DIAPH2: variants seen among roughly 807,000 people sequenced by gnomAD.
The protein encoded by DIAPH2 is diaphanous related formin 2.
DIAPH2 carries 35 observed loss-of-function variants against 92.7 expected under a neutral mutation model. The ratio of observed to expected loss-of-function variants is 0.38; its 90% CI spans 0.29 to 0.50. The LOEUF is 0.50. DIAPH2 is among the 20% of genes least tolerant of loss of function. DIAPH2 has a pLI of 0.94. For missense variants in DIAPH2, 701 were observed against 819.5 expected (o/e 0.86, Z 1.77); for synonymous variants, 301 against 280.4 (o/e 1.07, Z -0.73).
intron 4 of DIAPH2, among the ~76,000 whole-genome samples, chrX:96,772,421 T>C: frequency 8.9e-6 from 1 of 112,197 alleles, no homozygotes. Flanking sequence ...GAAAGCTATA[T>C]GGACAGTCTT....
intron 5 of DIAPH2, among the ~76,000 whole-genome samples, chrX:96,888,467 T>TA (rs2065279734): frequency 1.9e-5 from 2 of 105,282 alleles, no homozygotes; most frequent in Non-Finnish European, 3.9e-5. Flanking sequence ...ATATGTGTTT[T>TA]TTATATATAT....
chrX:97,210,675 C>T (rs1179604302), intron 22 of DIAPH2, among the ~76,000 whole-genome samples: 3 of 111,326 alleles, frequency 2.7e-5, no homozygotes, highest in African/African-American at 6.5e-5. Context: ...TGATTGAGAC[C>T]GGGAGCTACT....
At chrX:97,469,442 G>T (rs2070542990) in intron 26 of DIAPH2, among the ~76,000 whole-genome samples, 1 of 111,493 alleles carries the variant, frequency 9.0e-6, no homozygotes, top group African/African-American at 3.3e-5. Context: ...CTGGCAATAC[G>T]CAGTTCATTC....
chrX:96,954,120 C>T (rs2065794383), intron 15 of DIAPH2: 1 of 112,094 alleles, frequency 8.9e-6, no homozygotes, highest in Non-Finnish European at 1.9e-5. Flanking sequence ...CCCTGAATCC[C>T]AGTCGAGCGT....
chrX:96,725,564 A>G (rs2064015560), intron 1 of DIAPH2, among the ~76,000 whole-genome samples: 2 of 111,597 alleles, frequency 1.8e-5, no homozygotes, highest in African/African-American at 6.5e-5. Flanking sequence ...TTTTCCATGT[A>G]GAGAAGTTTG....
intron 22 of DIAPH2, among the ~76,000 whole-genome samples, chrX:97,191,198 C>T (rs956994692): frequency 2.7e-5 from 3 of 109,478 alleles, no homozygotes; most frequent in East Asian, 2.9e-4. Flanking sequence ...CTTGGTGGCT[C>T]ATGACTGTAA....
chrX:97,198,055 A>G (rs1263047721), intron 22 of DIAPH2, among the ~76,000 whole-genome samples: 1 of 111,037 alleles, frequency 9.0e-6, no homozygotes. Flanking sequence ...CATGAGAGTC[A>G]GCTGAAAACT....
chrX:96,870,780 T>A (rs1350255473), intron 4 of DIAPH2, among the ~76,000 whole-genome samples: 1 of 111,802 alleles, frequency 8.9e-6, no homozygotes, highest in African/African-American at 3.3e-5. Context: ...AATAGGGTAA[T>A]TTTTTGTTTT....
intron 17 of DIAPH2, among the ~76,000 whole-genome samples, chrX:96,970,209 T>C (rs2065919283): frequency 9.0e-6 from 1 of 111,351 alleles, no homozygotes; most frequent in South Asian, 3.8e-4. Flanking sequence ...CAGGTTTTGC[T>C]ATCAGGGTGA....
chrX:96,921,646 C>G (rs1467000279), intron 9 of DIAPH2, among the ~76,000 whole-genome samples: 1 of 108,801 alleles, frequency 9.2e-6, no homozygotes, highest in African/African-American at 3.3e-5. Context: ...GAAAATTTTA[C>G]TTCCCTTGAC....
At chrX:96,704,546 C>A (rs1243052743) in intron 1 of DIAPH2, among the ~76,000 whole-genome samples, 1 of 111,900 alleles carries the variant, frequency 8.9e-6, no homozygotes, top group East Asian at 2.8e-4. Flanking sequence ...TCTGAAGCAT[C>A]TCTCTTACTT....
At chrX:97,039,695 G>A (rs910117395) in intron 17 of DIAPH2, among the ~76,000 whole-genome samples, 22 of 111,269 alleles carry the variant, frequency 2.0e-4, no homozygotes, top group African/African-American at 6.9e-4. Context: ...AGCCCAGCCA[G>A]CTTCTCCTGC....
At chrX:97,272,199 A>G (rs778162159) in intron 23 of DIAPH2, among the ~76,000 whole-genome samples, 12 of 110,115 alleles carry the variant, frequency 1.1e-4, no homozygotes, top group South Asian at 7.9e-4. Context: ...GGGTTTCACT[A>G]TCTTGGCCAG....
rs71933357 is a variant in DIAPH2 at position 97,509,010 on chromosome X, A to AAGTT, written c.3241+79267_3241+79270dup. On this transcript the variant is annotated intron_variant, in intron 26 of 26. Coordinates refer to ENST00000324765, the MANE Select transcript of DIAPH2 (RefSeq NM_006729.5). ...CCGACTACCAAGAGAAAAGCATACA[A>AAGTT]AGTTATTTATTTATTTATTTATTTA... 2.7e-3 allele frequency among the ~76,000 whole-genome samples: 175 copies of AAGTT among 64,764 alleles called. 2 individuals are homozygous for AAGTT. In the East Asian group the frequency reaches 0.047, roughly 17 times the overall value. The allele number at this position is 64,764 out of a possible 115,157, so 56.2% of individuals were successfully genotyped here.
chrX:97,250,451 C>T (rs2068179706), intron 23 of DIAPH2, among the ~76,000 whole-genome samples: 1 of 111,743 alleles, frequency 8.9e-6, no homozygotes, highest in South Asian at 3.8e-4. Context: ...AGGCTATGTC[C>T]TGGAGCACCC....
chrX:97,077,979 G>A (rs949034452), intron 19 of DIAPH2, among the ~76,000 whole-genome samples: 1 of 111,493 alleles, frequency 9.0e-6, no homozygotes, highest in African/African-American at 3.3e-5. Context: ...CATTATTCTA[G>A]CCTTCAAAAT....
intron 4 of DIAPH2, among the ~76,000 whole-genome samples, chrX:96,843,310 C>A (rs893538398): frequency 9.0e-6 from 1 of 111,584 alleles, no homozygotes; most frequent in Non-Finnish European, 1.9e-5. Flanking sequence ...CAGTACAGCC[C>A]GCAGAACTGT....
intron 26 of DIAPH2, among the ~76,000 whole-genome samples, chrX:97,593,952 A>G (rs2071534301): frequency 9.0e-6 from 1 of 111,572 alleles, no homozygotes; most frequent in Non-Finnish European, 1.9e-5. Context: ...AATACCTAAC[A>G]AAGAGATAAG....
chrX:97,293,306 A>G (rs1254718422), intron 23 of DIAPH2, among the ~76,000 whole-genome samples: 1 of 88,982 alleles, frequency 1.1e-5, no homozygotes, highest in African/African-American at 4.6e-5. Context: ...TCTGGAGTGC[A>G]GTGGCACAAT....
Sources: gnomAD v4.1 joint callset for allele counts (sites outside exome capture counted in the v4.1 genomes callset) on GRCh38, gnomAD v4.1.1 for gene constraint, MANE v1.5 for transcripts, NCBI Gene and HGNC (gene_info 2026-07-23, HGNC 2026-07-21) for gene names.